NASP: variants seen among roughly 807,000 people sequenced by gnomAD.
NASP encodes nuclear autoantigenic sperm protein.
A neutral mutation model predicts 89.5 loss-of-function variants in NASP; 24 were observed. The observed-to-expected ratio is 0.27, with a 90% CI of 0.19 to 0.38. The LOEUF is 0.38. NASP is among the 10% of genes least tolerant of loss of function. The probability of loss-of-function intolerance (pLI) is 1.00; values close to 1 mark genes in which losing one functional copy is unlikely to be tolerated. For synonymous variants in NASP, 306 were observed against 324.7 expected (o/e 0.94, Z 0.62); for missense variants, 848 against 921.4 (o/e 0.92, Z 1.03).
In NASP at chr1:45,615,187, T is replaced by C; in HGVS notation, c.1841T>C (p.Ile614Thr). The C allele has an allele frequency of 6.2e-7, 1 of 1,614,134 alleles. No homozygotes were observed. The highest frequency in any genetic ancestry group is 8.5e-7 in the Non-Finnish European group (1 of 1,180,026). The stretch of plus-strand genomic sequence containing the variant: ...CAGTTCAGCAAATCTATTGAAGTCA[T>C]TGAGAACAGAATGGGTGAGTGAAGA... ...VAQFSKSIEV[I>T]ENRMAVLNEQ... The change falls in exon 10 of 15, where the codon ATT becomes ACT. Residue 614 changes from isoleucine (I) to threonine (T), a missense_variant. By Grantham distance (89) the Ile-to-Thr change is moderately conservative (BLOSUM62 -1). Transcript: ENST00000350030.
intron 1 of NASP, chr1:45,588,814 A>G (rs2991978): frequency 0.72 from 188,858 of 261,812 alleles, 68,631 homozygotes; most frequent in African/African-American, 0.79. Flanking sequence ...CTACTTGAGA[A>G]GCTGACGCAG....
chr1:45,592,549 C>CCA (rs1270254974), intron 2 of NASP, among the ~76,000 whole-genome samples: 14 of 152,158 alleles, frequency 9.2e-5, no homozygotes, highest in Middle Eastern at 3.4e-3. Flanking sequence ...GAGTCTCACT[C>CCA]TGTCACCCAG....
At position 45,608,108 on chromosome 1, in the gene NASP, AAGAC is replaced by A; in HGVS notation, c.1198_1201del (p.Arg400Ter). 1 of 1,614,024 alleles carries A rather than the reference AAGAC, an allele frequency of 6.2e-7. No individual in the cohort carries two copies. The highest frequency in any genetic ancestry group is 8.5e-7 in the Non-Finnish European group (1 of 1,179,914). The stretch of plus-strand genomic sequence containing the variant: ...CTATTGAACCACAGACTTCTATAGA[AAGAC>A]TGACAGAAACAAAAGATGGCTCAGG... On this transcript the variant is annotated frameshift_variant, in exon 6 of 15. Coordinates refer to ENST00000350030, the MANE Select transcript of NASP (RefSeq NM_002482.4). LOFTEE classifies it high-confidence loss of function.
At chr1:45,590,746 A>G (rs1643527018) in intron 1 of NASP, among the ~76,000 whole-genome samples, 1 of 134,354 alleles carries the variant, frequency 7.4e-6, no homozygotes, top group African/African-American at 2.8e-5. Flanking sequence ...ATTGTATTTA[A>G]AAAAACCTGT....
chr1:45,614,982 A>G lies in NASP; in HGVS notation c.1667-31A>G, dbSNP rs749294582. On this transcript the variant is annotated intron_variant, in intron 9 of 14. Coordinates refer to ENST00000350030, the MANE Select transcript of NASP (RefSeq NM_002482.4). ...AAGTATTTTATGTTGAATGCTGTCC[A>G]TTTACTTGCTCTTCTTTTTCTCTTT... 2.1e-5 allele frequency: 33 copies of G among 1,591,028 alleles called. No individual in the cohort carries two copies. The Admixed American group carries it at 3.5e-4, about 17-fold the overall frequency.
At chr1:45,586,365 AGCCCCTACCTCCTG>A (rs1644550299) in intron 1 of NASP, among the ~76,000 whole-genome samples, 1 of 151,106 alleles carries the variant, frequency 6.6e-6, no homozygotes, top group Admixed American at 6.6e-5. Flanking sequence ...GGCCCACAGC[AGCCCCTACCTCCTG>A]GCCTCAAGTG....
At chr1:45,612,124 C>G (rs947837319) in intron 6 of NASP, 1 of 151,488 alleles carries the variant, frequency 6.6e-6, no homozygotes, top group Admixed American at 6.6e-5. Flanking sequence ...CCGCCCGCCT[C>G]GGCCTCCCAA....
chr1:45,614,831 C>G (rs1441217034), intron 9 of NASP, 182 bp from the exon 10 acceptor site: 1 of 587,092 alleles, frequency 1.7e-6, no homozygotes, highest in Non-Finnish European at 2.9e-6. Flanking sequence ...GCCACCACGC[C>G]CAGCCTCAGT....
At chr1:45,595,775 CTGAAGTTTATT>C in intron 2 of NASP, among the ~76,000 whole-genome samples, 1 of 152,320 alleles carries the variant, frequency 6.6e-6, no homozygotes, top group Admixed American at 6.5e-5. Flanking sequence ...GCGTTACAAA[CTGAAGTTTATT>C]AATTCTCAGT....
chr1:45,591,283 A>G lies in NASP; in HGVS notation c.107+13A>G. ...ATAAAGTGGAGAGGTAAGATTATTT[A>G]CATGGTAGTTAGATTCGTATCAGAA... On this transcript the variant is annotated intron_variant, in intron 2 of 14. Coordinates refer to ENST00000350030, the MANE Select transcript of NASP (RefSeq NM_002482.4). 2 of 1,485,902 alleles carry G rather than the reference A, an allele frequency of 1.3e-6. No individual in the cohort carries two copies. Among genetic ancestry groups the G allele is most frequent in the South Asian group, 2.6e-5 (2 of 77,692 alleles). The allele number at this position is 1,485,902 out of a possible 1,614,324, so 92.0% of individuals were successfully genotyped here.
At chr1:45,614,518 C>T in intron 9 of NASP, 152 bp downstream of exon 9, 1 of 663,928 alleles carries the variant, frequency 1.5e-6, no homozygotes, top group Non-Finnish European at 2.6e-6. Flanking sequence ...CCAAGTGGCA[C>T]TCAGTCTTCC....
chr1:45,613,271 C>A, intron 7 of NASP, 23 bp downstream of exon 7: 1 of 1,592,108 alleles, frequency 6.3e-7, no homozygotes, highest in Non-Finnish European at 8.5e-7. Flanking sequence ...CCACTCAGTA[C>A]TGTTGTCAGC....
chr1:45,595,173 GTGTGTGTGTGTGTGTT>G (rs1643662541), intron 2 of NASP, among the ~76,000 whole-genome samples: 1 of 143,180 alleles, frequency 7.0e-6, no homozygotes, highest in African/African-American at 2.6e-5. Flanking sequence ...GTGTGTGTGT[GTGTGTGTGTGTGTGTT>G]TTAGAGACAG....
intron 2 of NASP, among the ~76,000 whole-genome samples, chr1:45,596,989 A>G (rs1442416219): frequency 2.0e-5 from 3 of 150,380 alleles, no homozygotes; most frequent in Non-Finnish European, 4.4e-5. Context: ...TCTCAAAAAA[A>G]AGAAAAAAAA....
chr1:45,593,148 T>C (rs561433080), intron 2 of NASP, among the ~76,000 whole-genome samples: 1 of 152,322 alleles, frequency 6.6e-6, no homozygotes, highest in South Asian at 2.1e-4. Flanking sequence ...CTATGTATGA[T>C]GTTAACATCA....
At chr1:45,590,527 G>A (rs1643509881) in intron 1 of NASP, among the ~76,000 whole-genome samples, 2 of 147,878 alleles carry the variant, frequency 1.4e-5, no homozygotes, top group Admixed American at 1.3e-4. Flanking sequence ...TCCAGCCTGG[G>A]CGACAGAGCA....
At chr1:45,591,850 T>C (rs1271154513) in intron 2 of NASP, among the ~76,000 whole-genome samples, 1 of 152,198 alleles carries the variant, frequency 6.6e-6, no homozygotes, top group Non-Finnish European at 1.5e-5. Context: ...AGACAGGGTC[T>C]TGCTCTGTTG....
chr1:45,586,165 G>T (rs1049958180), intron 1 of NASP, among the ~76,000 whole-genome samples: 33 of 151,892 alleles, frequency 2.2e-4, no homozygotes, highest in Non-Finnish European at 4.1e-4. Flanking sequence ...GTGTGGGGGT[G>T]GGGGGGCAGG....
intron 1 of NASP, among the ~76,000 whole-genome samples, chr1:45,585,567 G>A (rs1386576900): frequency 3.3e-5 from 5 of 152,202 alleles, no homozygotes; most frequent in Middle Eastern, 3.4e-3. Flanking sequence ...GTATAGATTG[G>A]GCTTGGGAGT....
Sources: gnomAD v4.1 joint callset for allele counts (sites outside exome capture counted in the v4.1 genomes callset) on GRCh38, gnomAD v4.1.1 for gene constraint, MANE v1.5 for transcripts, NCBI Gene and HGNC (gene_info 2026-07-23, HGNC 2026-07-21) for gene names.